Variants in IFT81 observed in about 807,000 individuals in gnomAD.
IFT81 encodes the protein intraflagellar transport protein 81 homolog.
A neutral mutation model predicts 102.6 loss-of-function variants in IFT81; 72 were observed. That is an observed-to-expected ratio of 0.70 (90% CI 0.58 to 0.85). The LOEUF is 0.85. Among genes scored for constraint, IFT81 ranks in the 40% least tolerant of loss-of-function variants. The pLI is 0.00. For missense variants in IFT81, 723 were observed against 787.3 expected (o/e 0.92, Z 0.98); for synonymous variants, 237 against 242.7 (o/e 0.98, Z 0.22).
intron 14 of IFT81, 63 bp from the exon 15 acceptor site, chr12:110,203,801 T>G: frequency 9.2e-7 from 1 of 1,089,498 alleles, no homozygotes. Context: ...CATGCATTGT[T>G]TCAGAGCCAT....
At chr12:110,215,660 G>A (rs1280535263) in intron 18 of IFT81, among the ~76,000 whole-genome samples, 1 of 150,526 alleles carries the variant, frequency 6.6e-6, no homozygotes, top group Non-Finnish European at 1.5e-5. Context: ...GTAGAGACAG[G>A]GGCGTCTCAC....
chr12:110,211,588 G>A (rs914101847), intron 18 of IFT81, among the ~76,000 whole-genome samples: 15 of 151,690 alleles, frequency 9.9e-5, no homozygotes, highest in African/African-American at 2.2e-4. Flanking sequence ...ATATTCCTCC[G>A]ACTATAGCAA....
chr12:110,172,637 C>A (rs1265168373), intron 11 of IFT81, among the ~76,000 whole-genome samples: 11 of 152,194 alleles, frequency 7.2e-5, no homozygotes, highest in Admixed American at 7.2e-4. Flanking sequence ...GATCCGCCAG[C>A]CTCGGCCTCC....
At chr12:110,132,472 A>AG (rs1384897555) in intron 4 of IFT81, 75 bp from the exon 5 acceptor site, 12 of 666,602 alleles carry the variant, frequency 1.8e-5, no homozygotes, top group East Asian at 6.6e-5. Flanking sequence ...AAAAAAAAAA[A>AG]AAAGAAAGAA....
At chr12:110,188,562 C>G (rs1049186394) in intron 12 of IFT81, among the ~76,000 whole-genome samples, 1 of 151,778 alleles carries the variant, frequency 6.6e-6, no homozygotes, top group East Asian at 1.9e-4. Flanking sequence ...GTCTTTCTTT[C>G]CTTTTGGTTC....
intron 18 of IFT81, among the ~76,000 whole-genome samples, chr12:110,214,091 T>C (rs2137615183): frequency 6.6e-6 from 1 of 152,280 alleles, no homozygotes; most frequent in Admixed American, 6.5e-5. Flanking sequence ...ACTGGGAGAA[T>C]AGTGAATTCT....
At chr12:110,190,228 G>C (rs1006762344) in intron 12 of IFT81, among the ~76,000 whole-genome samples, 1 of 152,124 alleles carries the variant, frequency 6.6e-6, no homozygotes, top group Non-Finnish European at 1.5e-5. Flanking sequence ...CTGAGACCTA[G>C]CAAACCAGCT....
chr12:110,207,872 G>T (rs1443474095), intron 17 of IFT81, among the ~76,000 whole-genome samples: 5 of 151,820 alleles, frequency 3.3e-5, no homozygotes, highest in Non-Finnish European at 1.5e-5. Flanking sequence ...CTCACATTTT[G>T]TCTTAAATAG....
intron 11 of IFT81, among the ~76,000 whole-genome samples, chr12:110,179,906 C>T (rs900454056): frequency 5.5e-5 from 8 of 146,698 alleles, no homozygotes; most frequent in African/African-American, 2.0e-4. Context: ...AATATTTAAA[C>T]ATTGTGGGTG....
intron 11 of IFT81, among the ~76,000 whole-genome samples, chr12:110,179,607 C>G (rs1897200212): frequency 6.7e-6 from 1 of 149,890 alleles, no homozygotes; most frequent in African/African-American, 2.4e-5. Context: ...CTGTGGTCCT[C>G]CTACTCTGGA....
At chr12:110,177,685 T>C (rs745956352) in intron 11 of IFT81, among the ~76,000 whole-genome samples, 4 of 152,260 alleles carry the variant, frequency 2.6e-5, no homozygotes, top group Non-Finnish European at 4.4e-5. Flanking sequence ...TTTAAAGGAA[T>C]TTTTGTATAC....
intron 18 of IFT81, among the ~76,000 whole-genome samples, chr12:110,216,984 AT>A (rs1366060173): frequency 6.6e-6 from 1 of 152,226 alleles, no homozygotes; most frequent in Non-Finnish European, 1.5e-5. Context: ...TAAATGAATT[AT>A]TTTAAAGCTA....
At chr12:110,148,422 A>G (rs533293352) in intron 10 of IFT81, among the ~76,000 whole-genome samples, 6 of 151,816 alleles carry the variant, frequency 4.0e-5, no homozygotes, top group Non-Finnish European at 5.9e-5. Context: ...CATTAATTTT[A>G]TTATAAATTA....
intron 14 of IFT81, among the ~76,000 whole-genome samples, chr12:110,196,725 T>C (rs1898016777): frequency 6.6e-6 from 1 of 152,232 alleles, no homozygotes. Flanking sequence ...TTGAATTTTA[T>C]GTTCTGTCTT....
chr12:110,137,685 G>A (rs1894602298), intron 8 of IFT81, among the ~76,000 whole-genome samples: 1 of 151,944 alleles, frequency 6.6e-6, no homozygotes, highest in Non-Finnish European at 1.5e-5. Context: ...GCAGTGAGCC[G>A]AGATCGCGCC....
intron 10 of IFT81, among the ~76,000 whole-genome samples, chr12:110,149,399 C>T (rs1471035106): frequency 4.6e-5 from 7 of 152,120 alleles, no homozygotes; most frequent in African/African-American, 1.7e-4. Flanking sequence ...ATGTTTACAG[C>T]GGAAGCCCCA....
In IFT81 at chr12:110,141,198, G is replaced by A. The variant is rs112111721; in HGVS notation, c.782-2184G>A. On this transcript the variant is annotated intron_variant, in intron 8 of 18. Transcript: ENST00000242591. ...ATTACAGGCATGGGTCACCATGCCC[G>A]GCTAATTTTTTGTATATTTAGTAGA... Among the ~76,000 whole-genome samples the A allele has an allele frequency of 2.0e-3, 303 of 150,914 alleles. 2 individuals carry two copies. The highest frequency in any genetic ancestry group is 7.0e-3 in the African/African-American group (287 of 41,046).
At position 110,127,278 on chromosome 12, in the gene IFT81, G is replaced by A. The variant is rs548222979; in HGVS notation, c.-21-82G>A. On this transcript the variant is annotated intron_variant, in intron 1 of 18. Coordinates refer to ENST00000242591, the MANE Select transcript of IFT81 (RefSeq NM_014055.4). ...GTAAAATTATACTTTTCATGCCTAC[G>A]TTGTATGAACTTAATTCTGGTTTTT... The A allele has an allele frequency of 1.3e-5, 16 of 1,235,588 alleles. No homozygotes were observed. In the Admixed American group the frequency reaches 1.4e-4, roughly 11 times the overall value. 76.5% of individuals were successfully genotyped at this position (1,235,588 alleles called of 1,614,324 possible). A position where few individuals can be genotyped will look rare whatever the true frequency, so the allele number is the denominator to read the frequency against.
intron 14 of IFT81, among the ~76,000 whole-genome samples, chr12:110,200,551 G>A (rs1898213044): frequency 6.6e-6 from 1 of 152,134 alleles, no homozygotes; most frequent in Non-Finnish European, 1.5e-5. Context: ...TGAAGGTCTA[G>A]GACATTACTG....
Sources: gnomAD v4.1 joint callset for allele counts (sites outside exome capture counted in the v4.1 genomes callset) on GRCh38, gnomAD v4.1.1 for gene constraint, MANE v1.5 for transcripts, NCBI Gene and HGNC (gene_info 2026-07-23, HGNC 2026-07-21) for gene names.